Variants in ASIC5 observed in about 807,000 individuals in gnomAD.
ASIC5 encodes bile acid-sensitive ion channel.
ASIC5 carries 52 observed loss-of-function variants against 51.2 expected under a neutral mutation model. The observed-to-expected ratio is 1.02, with a 90% confidence interval of 0.81 to 1.28. ASIC5 has a LOEUF of 1.28. Among genes scored for constraint, ASIC5 ranks in the 50% most tolerant of loss-of-function variants. The probability of loss-of-function intolerance (pLI) is 0.00; values close to 1 mark genes in which losing one functional copy is unlikely to be tolerated. For missense variants in ASIC5, 635 were observed against 595.0 expected (o/e 1.07, Z -0.70); for synonymous variants, 231 against 200.7 (o/e 1.15, Z -1.28).
At chr4:155,852,875 T>C (rs547356384) in intron 3 of ASIC5, among the ~76,000 whole-genome samples, 2 of 152,114 alleles carry the variant, frequency 1.3e-5, no homozygotes, top group East Asian at 1.9e-4. Context: ...ATTAAGTGGA[T>C]ACTGGAGTGC....
At chr4:155,865,000 T>C (rs1741824917) in intron 1 of ASIC5, 1 of 152,088 alleles carries the variant, frequency 6.6e-6, no homozygotes, top group Admixed American at 6.6e-5. Context: ...GTTTCAAGCT[T>C]CATTTACTAT....
chr4:155,852,043 T>C, intron 4 of ASIC5, 148 bp downstream of exon 4: 1 of 895,090 alleles, frequency 1.1e-6, no homozygotes, highest in Non-Finnish European at 1.7e-6. Flanking sequence ...AGTAGTTATA[T>C]AAAATCCATA....
chr4:155,838,923 A>T (rs896909838), intron 6 of ASIC5, 54 bp from the exon 7 acceptor site: 2 of 983,046 alleles, frequency 2.0e-6, no homozygotes, highest in African/African-American at 3.3e-5. Flanking sequence ...AAAATAAGTG[A>T]TCTAATGACA....
intron 2 of ASIC5, chr4:155,854,811 C>G (rs1741487708): frequency 6.5e-6 from 1 of 155,012 alleles, no homozygotes; most frequent in Non-Finnish European, 1.4e-5. Context: ...AGGACCACAG[C>G]TCCTCCAGCT....
At chr4:155,850,801 T>C (rs1413464884) in intron 4 of ASIC5, among the ~76,000 whole-genome samples, 1 of 152,068 alleles carries the variant, frequency 6.6e-6, no homozygotes, top group African/African-American at 2.4e-5. Flanking sequence ...AGTGAAGATT[T>C]ACACTATTTC....
intron 9 of ASIC5, 121 bp from the exon 10 acceptor site, chr4:155,830,167 T>C: frequency 1.6e-6 from 1 of 633,926 alleles, no homozygotes. Flanking sequence ...GTTAATTTTA[T>C]TATTTTAACA....
chr4:155,856,519 A>G (rs1274098249), intron 2 of ASIC5, among the ~76,000 whole-genome samples: 1 of 152,108 alleles, frequency 6.6e-6, no homozygotes, highest in Non-Finnish European at 1.5e-5. Context: ...CCAGGTCCTA[A>G]AACTCTGTAA....
intron 6 of ASIC5, among the ~76,000 whole-genome samples, chr4:155,840,432 T>C (rs969353188): frequency 6.8e-6 from 1 of 147,476 alleles, no homozygotes; most frequent in Non-Finnish European, 1.5e-5. Context: ...TTTTATATTA[T>C]ATATAATATA....
chr4:155,836,156 G>A (rs1740974519), intron 8 of ASIC5, among the ~76,000 whole-genome samples: 1 of 152,172 alleles, frequency 6.6e-6, no homozygotes, highest in Admixed American at 6.5e-5. Context: ...CAGTTAATCA[G>A]GGGACGTGGA....
At chr4:155,845,021 G>T (rs1036559776) in intron 4 of ASIC5, among the ~76,000 whole-genome samples, 1 of 151,752 alleles carries the variant, frequency 6.6e-6, no homozygotes, top group Non-Finnish European at 1.5e-5. Context: ...GTCCCAACTT[G>T]GTCAAATCCA....
intron 1 of ASIC5, chr4:155,864,515 A>G (rs1012684050): frequency 4.6e-5 from 7 of 152,154 alleles, no homozygotes; most frequent in Admixed American, 3.9e-4. Flanking sequence ...ATAGGAGAAG[A>G]GGCAATGAAT....
At chr4:155,840,865 C>T (rs972643733) in intron 6 of ASIC5, among the ~76,000 whole-genome samples, 1 of 151,946 alleles carries the variant, frequency 6.6e-6, no homozygotes, top group Non-Finnish European at 1.5e-5. Flanking sequence ...ATGTTGCAGA[C>T]CCTGCCTCCA....
At chr4:155,866,069 G>T in intron 1 of ASIC5, 118 bp downstream of exon 1, 1 of 620,806 alleles carries the variant, frequency 1.6e-6, no homozygotes, top group Non-Finnish European at 2.8e-6. Flanking sequence ...CTTATATTGT[G>T]TTCAAGTAAC....
Position 155,838,864 on chromosome 4 carries a change from C to T in ASIC5, c.1015G>A (p.Gly339Arg), listed in dbSNP as rs1741052989. The T allele has an allele frequency of 6.4e-7, 1 of 1,560,628 alleles. No individual in the cohort carries two copies. Among genetic ancestry groups the T allele is most frequent in the East Asian group, 2.3e-5 (1 of 44,174 alleles). ...GCVPFLLPGY[G>R]IECDLQKYFS... The stretch of plus-strand genomic sequence containing the variant: ...TACTTTTGTAGGTCACATTCTATCC[C>T]ATATCCTTAAAAATAATAAGTGTAA... The change falls in exon 7 of 10, where the codon GGG (glycine) becomes AGG (arginine). Residue 339 changes from glycine to arginine, a missense_variant. By Grantham distance (125) the Gly-to-Arg change is moderately radical. Transcript: ENST00000537611.
rs372410336 is a variant in ASIC5, at chr4:155,842,201, AT to A, written c.1009+5del. The A allele has an allele frequency of 6.7e-4, 1,081 of 1,612,960 alleles. 5 individuals are homozygous for A. The Middle Eastern group carries it at 7.4e-3, about 11-fold the overall frequency. ...TTAAGTAAGGGGGCAGTTAGTCTTT[AT>A]TTACCAGGAAGAAGAAAAGGCACAC... On this transcript the variant is annotated splice_donor_5th_base_variant and intron_variant, in intron 6 of 9. Transcript: ENST00000537611.
In ASIC5 at chr4:155,836,814, G is replaced by C; in HGVS notation, c.1110C>G (p.Asn370Lys). The C allele has an allele frequency of 6.2e-7, 1 of 1,610,196 alleles. No homozygotes were observed. The highest frequency in any genetic ancestry group is 8.5e-7 in the Non-Finnish European group (1 of 1,176,656). Residue 370 changes from asparagine to lysine, a missense_variant, in exon 8 of 10, where the codon AAC becomes AAG. Asn to Lys is a moderately conservative substitution (Grantham distance 94). Coordinates refer to ENST00000537611, the MANE Select transcript of ASIC5 (RefSeq NM_017419.3). ...FKDLCTVGTH[N>K]SSCPVSCEEI... ...CTTCACAAGAAACGGGGCAGCTAGA[G>C]TTATGTGTTCCTACTGTACATAAAT...
intron 4 of ASIC5, among the ~76,000 whole-genome samples, chr4:155,848,483 G>T (rs1005810134): frequency 4.6e-5 from 7 of 151,944 alleles, no homozygotes; most frequent in Non-Finnish European, 7.4e-5. Flanking sequence ...TAATGGAAAG[G>T]CCTGTAATTC....
chr4:155,836,712 C>G lies in ASIC5; in HGVS notation c.1212G>C (p.Leu404Phe). 3 of 1,608,676 alleles carry G rather than the reference C, an allele frequency of 1.9e-6. No individual in the cohort carries two copies. The highest frequency in any genetic ancestry group is 2.6e-6 in the Non-Finnish European group (3 of 1,176,140). ...ACCTGATGTATTTCCGGCTTTGATT[C>G]AACTTCTTGGAAAGATATTTCAAAG... ...QKALKYLSKK[L>F]NQSRKYIREN... Residue 404 changes from leucine to phenylalanine, a missense_variant, in exon 8 of 10, where the codon TTG becomes TTC. By Grantham distance (22) the Leu-to-Phe change is conservative. Transcript: ENST00000537611.
At chr4:155,838,900 C>T in intron 6 of ASIC5, 31 bp from the exon 7 acceptor site, 1 of 1,276,230 alleles carries the variant, frequency 7.8e-7, no homozygotes, top group Non-Finnish European at 1.1e-6. Context: ...CATATAGAGA[C>T]TTTACATTTT....
Sources: gnomAD v4.1 joint callset for allele counts (sites outside exome capture counted in the v4.1 genomes callset) on GRCh38, gnomAD v4.1.1 for gene constraint, MANE v1.5 for transcripts, NCBI Gene and HGNC (gene_info 2026-07-23, HGNC 2026-07-21) for gene names.